The following ANKRD42 variants were observed in gnomAD, a reference collection of about 807,000 sequenced individuals.
The protein encoded by ANKRD42 is ankyrin repeat domain 42, also known as ankyrin repeat domain-containing protein 42.
In ANKRD42, 43 loss-of-function variants were observed where a neutral mutation model predicts 51.5. The observed-to-expected ratio is 0.83, with a 90% CI of 0.65 to 1.08. The LOEUF is 1.08. ANKRD42 is among the 50% of genes least tolerant of loss of function. The pLI is 0.00. For missense variants in ANKRD42, 608 were observed against 629.3 expected (o/e 0.97, Z 0.36); for synonymous variants, 203 against 213.0 (o/e 0.95, Z 0.41).
intron 11 of ANKRD42, among the ~76,000 whole-genome samples, chr11:83,254,435 CTT>C (rs1296141872): frequency 2.2e-5 from 3 of 136,290 alleles, no homozygotes; most frequent in Admixed American, 1.5e-4. Context: ...TTTTTCTTTT[CTT>C]TTTTTTTTTT....
downstream of ANKRD42, among the ~76,000 whole-genome samples, chr11:83,258,074 A>G (rs1863804047): frequency 2.6e-5 from 4 of 152,206 alleles, no homozygotes; most frequent in African/African-American, 9.6e-5. Context: ...TGTGGTGGTG[A>G]GTCAGCCACT....
intron 7 of ANKRD42, among the ~76,000 whole-genome samples, chr11:83,234,749 T>C (rs1863177792): frequency 6.6e-6 from 1 of 151,656 alleles, no homozygotes; most frequent in Non-Finnish European, 1.5e-5. Context: ...TAAAGTGGGG[T>C]TTTTAATAGA....
At chr11:83,214,587 A>G in intron 5 of ANKRD42, 1 of 975,376 alleles carries the variant, frequency 1.0e-6, no homozygotes, top group Non-Finnish European at 1.2e-6. Context: ...TCATAAAATT[A>G]TTTTTTATTG....
chr11:83,193,867 C>G lies in ANKRD42; in HGVS notation c.-804C>G. ...CGAAGACGGTGGCCGCCGCACTAGC[C>G]ACCACGTGTGGAGGATAAACGGTCT... is the stretch of plus-strand genomic sequence containing the variant. On this transcript the variant is annotated 5_prime_UTR_variant, in exon 1 of 11. Coordinates refer to ENST00000533342, the MANE Select transcript of ANKRD42 (RefSeq NM_001300975.2). 2.2e-6 allele frequency: 1 copy of G among 455,008 alleles called. No homozygotes were observed. Among genetic ancestry groups the G allele is most frequent in the Non-Finnish European group, 4.4e-6 (1 of 225,826 alleles). 28.2% of individuals were successfully genotyped at this position (455,008 alleles called of 1,614,324 possible). A position where few individuals can be genotyped will look rare whatever the true frequency, so the allele number is the denominator to read the frequency against.
intron 3 of ANKRD42, chr11:83,209,533 T>C: frequency 9.7e-7 from 1 of 1,030,476 alleles, no homozygotes; most frequent in Non-Finnish European, 1.5e-6. Flanking sequence ...AATGGAGGAA[T>C]CTTGGCGTTC....
chr11:83,259,659 G>A (rs944903068), downstream of ANKRD42: 5 of 151,462 alleles, frequency 3.3e-5, no homozygotes, highest in African/African-American at 1.2e-4. Flanking sequence ...TATTGGAGAA[G>A]TTTTTTTTTA....
chr11:83,236,300 T>C, intron 7 of ANKRD42, 104 bp from the exon 8 acceptor site: 2 of 755,828 alleles, frequency 2.6e-6, no homozygotes, highest in African/African-American at 1.8e-5. Flanking sequence ...GATCAATACT[T>C]AACTAAGTAC....
chr11:83,256,088 T>G, exon 12 of ANKRD42: 1 of 540,354 alleles, frequency 1.9e-6, no homozygotes, highest in Non-Finnish European at 3.1e-6. Context: ...GATTTAGAGA[T>G]TTTTTAAATG....
downstream of ANKRD42, among the ~76,000 whole-genome samples, chr11:83,249,149 G>T (rs1863630527): frequency 6.6e-6 from 1 of 152,168 alleles, no homozygotes; most frequent in South Asian, 2.1e-4. Context: ...TTGTGGCAGG[G>T]ACTCTGTGAC....
intron 11 of ANKRD42, among the ~76,000 whole-genome samples, chr11:83,254,235 A>G (rs928760672): frequency 6.6e-6 from 1 of 152,046 alleles, no homozygotes; most frequent in African/African-American, 2.4e-5. Context: ...ACAGCCTCCT[A>G]AAGTGCTGGG....
rs200008739 is a variant in ANKRD42 at position 83,224,835 on chromosome 11, T to A, written c.587-20T>A. ...TTTTAAAAAATAAAAATTAAATTAATTTTTTTTCCTTTCCTCTAGTTCACT... is the reference window on the plus strand; with the variant it reads ...TTTTAAAAAATAAAAATTAAATTAAATTTTTTTCCTTTCCTCTAGTTCACT... On this transcript the variant is annotated intron_variant, in intron 5 of 10. Transcript: ENST00000533342. 132 of 1,524,930 alleles carry A rather than the reference T, an allele frequency of 8.7e-5. 1 individual carries two copies. The East Asian group carries it at 9.2e-4, about 11-fold the overall frequency. The allele number at this position is 1,524,930 out of a possible 1,614,324, so 94.5% of individuals were successfully genotyped here.
At chr11:83,219,145 C>T (rs1020804994) in intron 5 of ANKRD42, among the ~76,000 whole-genome samples, 4 of 152,152 alleles carry the variant, frequency 2.6e-5, no homozygotes, top group Admixed American at 1.3e-4. Context: ...TCCTGGGACT[C>T]GTCTTCCCTA....
chr11:83,262,690 A>G (rs1670886970), downstream of ANKRD42, among the ~76,000 whole-genome samples: 1 of 152,248 alleles, frequency 6.6e-6, no homozygotes, highest in African/African-American at 2.4e-5. Context: ...ACAAGAAATT[A>G]GCCTTTCAAA....
intron 5 of ANKRD42, among the ~76,000 whole-genome samples, chr11:83,218,301 T>C (rs1226261259): frequency 6.6e-6 from 1 of 152,210 alleles, no homozygotes; most frequent in South Asian, 2.1e-4. Flanking sequence ...AATGAGGGTC[T>C]ACAGTGGGTA....
Position 83,240,766 on chromosome 11 carries a change from C to T in ANKRD42, c.1027C>T (p.His343Tyr). 1 of 1,613,720 alleles carries T rather than the reference C, an allele frequency of 6.2e-7. No homozygotes were observed. The highest frequency in any genetic ancestry group is 1.7e-5 in the Admixed American group (1 of 59,968). ...RPSDVAKRFA[H>Y]LAAVKLLEEL... The stretch of plus-strand genomic sequence containing the variant: ...ATTGATTCTTTTCTACAGGTTTGCC[C>T]ATTTGGCAGCAGTGAAGCTGTTAGA... The change falls in exon 9 of 11, where the codon CAT becomes TAT. Residue 343 changes from histidine to tyrosine, a missense_variant. His to Tyr is a moderately conservative substitution (Grantham distance 83). Transcript: ENST00000533342.
intron 11 of ANKRD42, among the ~76,000 whole-genome samples, chr11:83,254,172 G>T (rs571194038): frequency 6.6e-6 from 1 of 151,778 alleles, no homozygotes; most frequent in Non-Finnish European, 1.5e-5. Flanking sequence ...AGAGAGAGGG[G>T]ATTGTTGTCC....
intron 5 of ANKRD42, among the ~76,000 whole-genome samples, chr11:83,222,702 A>G (rs947217528): frequency 3.3e-5 from 5 of 152,166 alleles, no homozygotes; most frequent in African/African-American, 4.8e-5. Flanking sequence ...GTAAGTTCCA[A>G]CAGAAGTGAG....
intron 5 of ANKRD42, among the ~76,000 whole-genome samples, chr11:83,221,605 C>T (rs1862718858): frequency 6.6e-6 from 1 of 151,928 alleles, no homozygotes; most frequent in Non-Finnish European, 1.5e-5. Flanking sequence ...CCTTTTTGGC[C>T]CTAAATGGCA....
intron 6 of ANKRD42, among the ~76,000 whole-genome samples, chr11:83,225,257 T>G (rs1033106717): frequency 2.6e-5 from 4 of 152,216 alleles, no homozygotes; most frequent in Admixed American, 2.0e-4. Flanking sequence ...TTCTTTACTA[T>G]GAAATATTTT....
Sources: gnomAD v4.1 joint callset for allele counts (sites outside exome capture counted in the v4.1 genomes callset) on GRCh38, gnomAD v4.1.1 for gene constraint, MANE v1.5 for transcripts, NCBI Gene and HGNC (gene_info 2026-07-23, HGNC 2026-07-21) for gene names.